Variants in PBX4 observed in about 807,000 individuals in gnomAD.
PBX4 encodes PBX homeobox 4.
In PBX4, 26 loss-of-function variants were observed where a neutral mutation model predicts 35.1. The ratio of observed to expected loss-of-function variants is 0.74; its 90% CI spans 0.54 to 1.03. The LOEUF (loss-of-function observed/expected upper bound fraction) is 1.03, where lower values mean the gene tolerates loss of function less well. PBX4 is among the 50% of genes least tolerant of loss of function. The probability of loss-of-function intolerance (pLI) is 0.00; values close to 1 mark genes in which losing one functional copy is unlikely to be tolerated. For synonymous variants in PBX4, 199 were observed against 204.2 expected (o/e 0.97, Z 0.22); for missense variants, 448 against 504.3 (o/e 0.89, Z 1.07).
Position 19,593,583 on chromosome 19 carries a change from T to C in PBX4, c.193+5709A>G, listed in dbSNP as rs530826935. 1.2e-4 allele frequency among the ~76,000 whole-genome samples: 19 copies of C among 152,268 alleles called. No homozygotes were observed. In the South Asian group the frequency reaches 3.9e-3, roughly 32 times the overall value. ...GACCCACAGCACTCACTGACTGCACTTCCTGATATAAAAAGATACCTGGAC... is the reference window on the plus strand; with the variant it reads ...GACCCACAGCACTCACTGACTGCACCTCCTGATATAAAAAGATACCTGGAC... On this transcript the variant is annotated intron_variant, in intron 2 of 7. Coordinates refer to ENST00000251203, the MANE Select transcript of PBX4 (RefSeq NM_025245.3).
At chr19:19,618,392 C>A in intron 1 of PBX4, 119 bp downstream of exon 1, 1 of 938,054 alleles carries the variant, frequency 1.1e-6, no homozygotes, top group Non-Finnish European at 1.4e-6. Context: ...GTCCTCGGGA[C>A]CCCCCTCCAG....
chr19:19,570,916 T>C (rs1182328095), intron 2 of PBX4, 83 bp from the exon 3 acceptor site: 8 of 1,544,600 alleles, frequency 5.2e-6, no homozygotes, highest in Non-Finnish European at 7.0e-6. Flanking sequence ...ACTGGTGTTA[T>C]GTCTGAAGAT....
intron 2 of PBX4, among the ~76,000 whole-genome samples, chr19:19,585,895 G>A (rs1302875699): frequency 1.3e-5 from 2 of 152,136 alleles, no homozygotes; most frequent in Non-Finnish European, 2.9e-5. Context: ...TTTGGACTCA[G>A]CCCACCTGCA....
At position 19,563,299 on chromosome 19, in the gene PBX4, C is replaced by A. The variant is rs1003321135; in HGVS notation, c.1032+210G>T. 6.6e-6 allele frequency among the ~76,000 whole-genome samples: 1 copy of A among 152,142 alleles called. No individual in the cohort carries two copies. Among genetic ancestry groups the A allele is most frequent in the Non-Finnish European group, 1.5e-5 (1 of 68,014 alleles). ...CCCACTGACTGTTCCCAGCGGCTGC[C>A]GTGGTGACAAGTGGAGGTGGGGGAG... is the stretch of plus-strand genomic sequence containing the variant. On this transcript the variant is annotated intron_variant, in intron 7 of 7. Transcript: ENST00000251203. This position sits in a 1 kb window ranked among gnomAD's most constrained non-coding sequence, Gnocchi z 5.1.
At chr19:19,571,996 G>GCACTC (rs2061386470) in intron 2 of PBX4, among the ~76,000 whole-genome samples, 1 of 129,910 alleles carries the variant, frequency 7.7e-6, no homozygotes, top group Admixed American at 8.8e-5. Context: ...TCTTGCCACT[G>GCACTC]CACTCCAGCT....
rs753893364 is a variant in PBX4, at chr19:19,604,466, C to CAAA, written c.120-5104_120-5102dup. Among the ~76,000 whole-genome samples the CAAA allele has an allele frequency of 2.2e-4, 16 of 72,102 alleles. 1 individual carries two copies. Among genetic ancestry groups the CAAA allele is most frequent in the Non-Finnish European group, 3.5e-4 (15 of 42,910 alleles). The allele number at this position is 72,102 out of a possible 152,430, so 47.3% of individuals were successfully genotyped here. A position where few individuals can be genotyped will look rare whatever the true frequency, so the allele number is the denominator to read the frequency against. On this transcript the variant is annotated intron_variant, in intron 1 of 7. Coordinates refer to ENST00000251203, the MANE Select transcript of PBX4 (RefSeq NM_025245.3). ...TGGGCAACAGAGCGAGATTCCATCT[C>CAAA]AAAAAAAAAAAAGGAATACAACTGG... is the stretch of plus-strand genomic sequence containing the variant.
At chr19:19,591,856 T>C (rs1043988704) in intron 2 of PBX4, among the ~76,000 whole-genome samples, 12 of 152,182 alleles carry the variant, frequency 7.9e-5, no homozygotes, top group African/African-American at 2.9e-4. Flanking sequence ...ACAAACCTTA[T>C]TTTTTATTTT....
At chr19:19,602,278 G>A (rs1391050125) in intron 1 of PBX4, among the ~76,000 whole-genome samples, 3 of 152,044 alleles carry the variant, frequency 2.0e-5, no homozygotes, top group African/African-American at 7.2e-5. Flanking sequence ...AAGAGAATTC[G>A]GATTTAGCAA....
chr19:19,592,738 G>C (rs1052736548), intron 2 of PBX4, among the ~76,000 whole-genome samples: 1 of 152,224 alleles, frequency 6.6e-6, no homozygotes, highest in Non-Finnish European at 1.5e-5. Flanking sequence ...AACAAAAACA[G>C]AAAGGCACCG....
At chr19:19,616,291 C>A (rs1480359414) in intron 1 of PBX4, among the ~76,000 whole-genome samples, 1 of 152,072 alleles carries the variant, frequency 6.6e-6, no homozygotes. Context: ...AATAAATAGT[C>A]CGAACTCCCT....
chr19:19,564,961 G>T lies in PBX4; in HGVS notation c.897C>A (p.His299Gln), dbSNP rs377739787. The T allele has an allele frequency of 5.7e-5, 92 of 1,614,128 alleles. No individual in the cohort carries two copies. The highest frequency in any genetic ancestry group is 7.4e-5 in the Non-Finnish European group (87 of 1,180,052). ...AGCTAGGTGTTGACAGGCAGCTGGC[G>T]TGGTTCCCTGGGACCCCAACTTCCG... ...DTTEVGVPGN[H>Q]ASCLSTPSSG... Residue 299 changes from histidine to glutamine, a missense_variant, in exon 6 of 8, where the codon CAC becomes CAA. Physicochemically the swap from His to Gln is conservative, Grantham distance 24. Transcript: ENST00000251203.
chr19:19,570,276 G>A lies in PBX4; in HGVS notation c.465C>T (p.His155=), dbSNP rs769694481. 6.2e-6 allele frequency: 10 copies of A among 1,610,508 alleles called. No homozygotes were observed. The highest frequency in any genetic ancestry group is 1.7e-4 in the Middle Eastern group (1 of 6,058). ...TCTGCTCCTGGAGGAGGTTGGTGAC[G>A]TGCGTGGTGAACTCACGACAGGCCT... is the stretch of plus-strand genomic sequence containing the variant. ...YEQACREFTT[H]VTNLLQEQSR... The change falls in exon 4 of 8, where the codon CAC becomes CAT. Residue 155 remains histidine (H), a synonymous_variant. Transcript: ENST00000251203.
intron 2 of PBX4, among the ~76,000 whole-genome samples, chr19:19,582,119 A>T (rs890159759): frequency 1.3e-5 from 2 of 151,264 alleles, no homozygotes; most frequent in African/African-American, 4.9e-5. Flanking sequence ...TGCTCCTGGC[A>T]CCTCCTCCCA....
intron 5 of PBX4, among the ~76,000 whole-genome samples, chr19:19,567,786 A>G (rs1052806929): frequency 1.3e-5 from 2 of 151,944 alleles, no homozygotes; most frequent in African/African-American, 4.8e-5. Flanking sequence ...GGGAGCTCAC[A>G]CTCTCTACCA....
At chr19:19,615,123 C>G (rs2061681704) in intron 1 of PBX4, among the ~76,000 whole-genome samples, 1 of 141,004 alleles carries the variant, frequency 7.1e-6, no homozygotes, top group South Asian at 2.3e-4. Flanking sequence ...TGAGACTGCA[C>G]CACTGCACTC....
At chr19:19,613,959 C>T (rs968267309) in intron 1 of PBX4, among the ~76,000 whole-genome samples, 3 of 152,198 alleles carry the variant, frequency 2.0e-5, no homozygotes, top group Admixed American at 6.6e-5. Flanking sequence ...GTCTCCCACA[C>T]ACCCTACTTC....
intron 1 of PBX4, among the ~76,000 whole-genome samples, chr19:19,609,619 G>C (rs1400958262): frequency 1.3e-5 from 2 of 151,408 alleles, no homozygotes; most frequent in African/African-American, 2.4e-5. Flanking sequence ...GGCAGGCCGA[G>C]GAGGGCAGAT....
chr19:19,562,788 C>T lies in PBX4; in HGVS notation c.1033-671G>A, dbSNP rs1359330884. On this transcript the variant is annotated intron_variant, in intron 7 of 7. Coordinates refer to ENST00000251203, the MANE Select transcript of PBX4 (RefSeq NM_025245.3). This position sits in a 1 kb window ranked among gnomAD's most constrained non-coding sequence, Gnocchi z 4.8. ...GGACACACAGCTGCTGGCGCGTAGT[C>T]AGGTCCCAGGGGTGCAAAGGGCAAG... 6.6e-6 allele frequency among the ~76,000 whole-genome samples: 1 copy of T among 152,182 alleles called. No homozygotes were observed. Among genetic ancestry groups the T allele is most frequent in the Non-Finnish European group, 1.5e-5 (1 of 68,022 alleles).
At chr19:19,584,146 G>C (rs558481456) in intron 2 of PBX4, among the ~76,000 whole-genome samples, 1 of 152,130 alleles carries the variant, frequency 6.6e-6, no homozygotes, top group Non-Finnish European at 1.5e-5. Flanking sequence ...GTGGAGGCTC[G>C]AGAACCGCTT....
Sources: gnomAD v4.1 joint callset for allele counts (sites outside exome capture counted in the v4.1 genomes callset) on GRCh38, gnomAD v4.1.1 for gene constraint, Gnocchi (gnomAD v3.1) non-coding constraint, MANE v1.5 for transcripts, NCBI Gene and HGNC (gene_info 2026-07-23, HGNC 2026-07-21) for gene names.